MACROD2: variants seen among roughly 807,000 people sequenced by gnomAD.
The protein encoded by MACROD2 is ADP-ribose glycohydrolase MACROD2.
Under a neutral mutation model 70.4 loss-of-function variants are expected in MACROD2, and 36 were observed. That is an observed-to-expected ratio of 0.51 (90% CI 0.39 to 0.68). The LOEUF (loss-of-function observed/expected upper bound fraction) is 0.68. MACROD2 is among the 30% of genes least tolerant of loss of function. The probability of loss-of-function intolerance (pLI) is 0.00; values close to 1 mark genes in which losing one functional copy is unlikely to be tolerated. For synonymous variants in MACROD2, 172 were observed against 178.8 expected (o/e 0.96, Z 0.30); for missense variants, 496 against 538.4 (o/e 0.92, Z 0.78).
chr20:15,053,829 G>T, intron 5 of MACROD2, among the ~76,000 whole-genome samples: 1 of 152,150 alleles, frequency 6.6e-6, no homozygotes, highest in East Asian at 1.9e-4. Context: ...CTTCTGGAAA[G>T]GATTCACCAT....
At chr20:15,131,461 C>T (rs960756587) in intron 5 of MACROD2, among the ~76,000 whole-genome samples, 1 of 151,884 alleles carries the variant, frequency 6.6e-6, no homozygotes, top group African/African-American at 2.4e-5. Context: ...AAAGCAGAAA[C>T]AGATTATTTA....
At chr20:14,977,462 T>TACACACACACACACAC (rs3045702) in intron 5 of MACROD2, among the ~76,000 whole-genome samples, 1 of 135,016 alleles carries the variant, frequency 7.4e-6, no homozygotes, top group African/African-American at 2.8e-5. Flanking sequence ...AAGAAAAAGA[T>TACACACACACACACAC]ACACACACAC....
At chr20:15,827,268 T>C (rs896221270) in intron 8 of MACROD2, among the ~76,000 whole-genome samples, 2 of 152,180 alleles carry the variant, frequency 1.3e-5, no homozygotes, top group Admixed American at 1.3e-4. Flanking sequence ...TTATACCCAA[T>C]TCAAGAGGAG....
chr20:15,410,843 T>TCAA (rs1296146062), intron 6 of MACROD2, among the ~76,000 whole-genome samples: 1 of 152,140 alleles, frequency 6.6e-6, no homozygotes, highest in Non-Finnish European at 1.5e-5. Flanking sequence ...AGTCACCCAT[T>TCAA]CAACATATGA....
chr20:15,816,879 G>A (rs934024162), intron 8 of MACROD2, among the ~76,000 whole-genome samples: 2 of 152,214 alleles, frequency 1.3e-5, no homozygotes, highest in Non-Finnish European at 2.9e-5. Flanking sequence ...AACTCTGGTA[G>A]TGATAAATTG....
intron 6 of MACROD2, among the ~76,000 whole-genome samples, chr20:15,396,730 T>A (rs1439886250): frequency 6.6e-6 from 1 of 152,214 alleles, no homozygotes; most frequent in Non-Finnish European, 1.5e-5. Context: ...AAAGGGAACA[T>A]GAATTGATTA....
chr20:14,233,719 G>GAAA (rs1217560155), intron 3 of MACROD2, among the ~76,000 whole-genome samples: 1 of 74,922 alleles, frequency 1.3e-5, no homozygotes, highest in Admixed American at 1.7e-4. Context: ...AAAAAGAAAA[G>GAAA]AAAAGAAAAG....
intron 5 of MACROD2, among the ~76,000 whole-genome samples, chr20:14,761,725 A>G (rs2072018342): frequency 6.6e-6 from 1 of 152,010 alleles, no homozygotes; most frequent in Admixed American, 6.6e-5. Flanking sequence ...TGCAGTTTCC[A>G]TTTGACAGAG....
Position 15,291,733 on chromosome 20 carries a change from AG to A in MACROD2, c.540+61674del, listed in dbSNP as rs145109862. 6.4e-3 allele frequency among the ~76,000 whole-genome samples: 980 copies of A among 152,334 alleles called. 15 individuals carry two copies. Among genetic ancestry groups the A allele is most frequent in the African/African-American group, 0.022 (915 of 41,578 alleles). On this transcript the variant is annotated intron_variant, in intron 6 of 17. Transcript: ENST00000684519. ...GACTAAAAAAGGGAAAAAATTGTGG[AG>A]GACACAGCTGCACCTGATATATATC...
intron 8 of MACROD2, among the ~76,000 whole-genome samples, chr20:15,757,986 A>C (rs370392540): frequency 6.6e-6 from 1 of 152,204 alleles, no homozygotes; most frequent in East Asian, 1.9e-4. Flanking sequence ...TTCCCAAACC[A>C]TGCCCACAAA....
chr20:14,446,382 C>T (rs1460693473), intron 3 of MACROD2, among the ~76,000 whole-genome samples: 1 of 151,972 alleles, frequency 6.6e-6, no homozygotes, highest in Admixed American at 6.6e-5. Flanking sequence ...GAGTTGAAAC[C>T]AAGATTTGAA....
At chr20:15,158,151 A>G (rs2076322323) in intron 5 of MACROD2, among the ~76,000 whole-genome samples, 1 of 152,174 alleles carries the variant, frequency 6.6e-6, no homozygotes, top group African/African-American at 2.4e-5. Context: ...AATAGGGGAT[A>G]TTCTCCACCT....
chr20:15,393,238 C>T (rs1373155744), intron 6 of MACROD2, among the ~76,000 whole-genome samples: 1 of 152,158 alleles, frequency 6.6e-6, no homozygotes, highest in Non-Finnish European at 1.5e-5. Context: ...GCTTAATCAT[C>T]TTCCATTATT....
chr20:15,733,711 C>A (rs550383779), intron 8 of MACROD2, among the ~76,000 whole-genome samples: 3 of 152,254 alleles, frequency 2.0e-5, no homozygotes, highest in Admixed American at 2.0e-4. Context: ...CCACCTGTAA[C>A]CCTACACATT....
chr20:14,544,995 AGCTGAGG>A (rs2085475738), intron 4 of MACROD2, among the ~76,000 whole-genome samples: 1 of 152,198 alleles, frequency 6.6e-6, no homozygotes, highest in South Asian at 2.1e-4. Context: ...AAATGGTAAG[AGCTGAGG>A]GCATATGGGT....
rs183375254 is a variant in MACROD2 at position 14,927,667 on chromosome 20, A to G, written c.418+242708A>G. The stretch of plus-strand genomic sequence containing the variant: ...GTTTTAGCTTTTTGTCTTCTATAGT[A>G]TAGCAATCAAAGTAAGCTAGAAGGG... On this transcript the variant is annotated intron_variant, in intron 5 of 17. Coordinates refer to ENST00000684519, the MANE Select transcript of MACROD2 (RefSeq NM_001351661.2). Among the ~76,000 whole-genome samples the G allele has an allele frequency of 1.4e-3, 211 of 152,254 alleles. 1 individual carries two copies. Among genetic ancestry groups the G allele is most frequent in the Non-Finnish European group, 2.6e-3 (175 of 68,020 alleles).
intron 9 of MACROD2, among the ~76,000 whole-genome samples, chr20:15,875,046 C>T (rs1393590027): frequency 6.6e-6 from 1 of 152,094 alleles, no homozygotes; most frequent in Non-Finnish European, 1.5e-5. Context: ...GGGCCTTGAG[C>T]TAAGGAACAT....
chr20:15,470,380 C>T (rs1469699608), intron 7 of MACROD2, among the ~76,000 whole-genome samples: 4 of 152,170 alleles, frequency 2.6e-5, no homozygotes, highest in Non-Finnish European at 4.4e-5. Flanking sequence ...AACTTCCCTT[C>T]TTCTCAGCCT....
chr20:15,965,954 C>T (rs746667742), intron 12 of MACROD2, among the ~76,000 whole-genome samples: 6 of 152,116 alleles, frequency 3.9e-5, no homozygotes, highest in South Asian at 4.1e-4. Flanking sequence ...CCACACACTT[C>T]GGGTATATAT....
Sources: allele counts gnomAD v4.1 joint callset (sites outside exome capture counted in the v4.1 genomes callset), GRCh38; gene constraint gnomAD v4.1.1; transcripts MANE v1.5; gene names NCBI Gene and HGNC (gene_info 2026-07-23, HGNC 2026-07-21).